Variants in SLIT1 observed in about 807,000 individuals in gnomAD.
The protein encoded by SLIT1 is slit homolog 1 protein.
SLIT1 carries 66 observed loss-of-function variants against 186.1 expected under a neutral mutation model. The observed-to-expected ratio is 0.35, with a 90% CI of 0.29 to 0.44. The LOEUF (loss-of-function observed/expected upper bound fraction) is 0.44, where lower values mean the gene tolerates loss of function less well. SLIT1 is among the 20% of genes least tolerant of loss of function. SLIT1 has a pLI of 1.00. For missense variants in SLIT1, 1,638 were observed against 2,037.4 expected (o/e 0.80, Z 3.77); for synonymous variants, 761 against 833.8 (o/e 0.91, Z 1.50).
At chr10:97,008,938 G>T (rs1724769388) in intron 31 of SLIT1, among the ~76,000 whole-genome samples, 1 of 151,748 alleles carries the variant, frequency 6.6e-6, no homozygotes. Flanking sequence ...GGAGTGCAGT[G>T]GCACGATCTC....
At chr10:97,164,296 G>A (rs562011086) in intron 2 of SLIT1, among the ~76,000 whole-genome samples, 66 of 151,998 alleles carry the variant, frequency 4.3e-4, no homozygotes, top group African/African-American at 1.4e-3. Context: ...GGGGGGAACC[G>A]CCACCAGATA....
chr10:97,066,229 G>A (rs1848944592), intron 4 of SLIT1, 143 bp from the exon 5 acceptor site: 1 of 672,710 alleles, frequency 1.5e-6, no homozygotes, highest in South Asian at 1.7e-5. Flanking sequence ...CTAGGACAGT[G>A]CCTGGCCCAC....
At chr10:97,017,814 T>C (rs944133301) in intron 28 of SLIT1, among the ~76,000 whole-genome samples, 4 of 151,636 alleles carry the variant, frequency 2.6e-5, no homozygotes, top group Non-Finnish European at 4.4e-5. Flanking sequence ...TCGAGGGAGA[T>C]TGGAGGCTTT....
chr10:97,159,982 G>A (rs879456571), intron 3 of SLIT1, among the ~76,000 whole-genome samples: 22 of 152,102 alleles, frequency 1.4e-4, no homozygotes, highest in Non-Finnish European at 2.1e-4. Context: ...TAAGTGACTC[G>A]CCCAAGCCAT....
intron 1 of SLIT1, among the ~76,000 whole-genome samples, chr10:97,180,502 T>C (rs770850243): frequency 6.6e-6 from 1 of 152,242 alleles, no homozygotes; most frequent in Non-Finnish European, 1.5e-5. Context: ...GGTTTCTGTT[T>C]CTGTCCAGCA....
chr10:97,041,280 A>T (rs1326415988), intron 20 of SLIT1, among the ~76,000 whole-genome samples: 1 of 152,186 alleles, frequency 6.6e-6, no homozygotes, highest in East Asian at 1.9e-4. Flanking sequence ...GGCTGCTTAC[A>T]TCAATTGTGG....
At chr10:97,146,484 C>T (rs1034844518) in intron 4 of SLIT1, among the ~76,000 whole-genome samples, 1 of 152,152 alleles carries the variant, frequency 6.6e-6, no homozygotes, top group African/African-American at 2.4e-5. Flanking sequence ...ACTCCCTCCT[C>T]AAGCTTTCCC....
At chr10:97,106,823 T>A (rs1849420014) in intron 4 of SLIT1, among the ~76,000 whole-genome samples, 1 of 152,110 alleles carries the variant, frequency 6.6e-6, no homozygotes, top group South Asian at 2.1e-4. Flanking sequence ...AACTGAACCC[T>A]AGAGTAAGCC....
intron 18 of SLIT1, among the ~76,000 whole-genome samples, chr10:97,044,831 A>G (rs1468784415): frequency 2.0e-5 from 3 of 152,220 alleles, no homozygotes; most frequent in Non-Finnish European, 1.5e-5. Flanking sequence ...CTTCACAATA[A>G]AGATATTGTC....
At chr10:97,067,724 G>A (rs970109565) in intron 4 of SLIT1, among the ~76,000 whole-genome samples, 1 of 152,118 alleles carries the variant, frequency 6.6e-6, no homozygotes, top group Non-Finnish European at 1.5e-5. Flanking sequence ...CCAGAGCCTT[G>A]CCCCAGACAC....
At chr10:97,014,235 A>C in intron 28 of SLIT1, 77 bp from the exon 29 acceptor site, 65 of 1,536,128 alleles carry the variant, frequency 4.2e-5, no homozygotes, top group Non-Finnish European at 5.3e-5. Context: ...GGTTAATATC[A>C]CCATTCCACG....
At chr10:97,112,540 C>T (rs948486319) in intron 4 of SLIT1, among the ~76,000 whole-genome samples, 1 of 152,162 alleles carries the variant, frequency 6.6e-6, no homozygotes, top group African/African-American at 2.4e-5. Flanking sequence ...CAGCACTATC[C>T]AATTTGATCT....
Position 97,137,045 on chromosome 10 carries a change from T to G in SLIT1, c.413+20773A>C, listed in dbSNP as rs200255541. 3.9e-5 allele frequency among the ~76,000 whole-genome samples: 6 copies of G among 152,332 alleles called. No individual in the cohort carries two copies. In the East Asian group the frequency reaches 9.6e-4, roughly 24 times the overall value. ...ACCTGGACTTCACACCAAGCAGGCCTGCAGTGAGGTCAAATAAAAGAAAAA... is the reference window on the plus strand; with the variant it reads ...ACCTGGACTTCACACCAAGCAGGCCGGCAGTGAGGTCAAATAAAAGAAAAA... On this transcript the variant is annotated intron_variant, in intron 4 of 36. Transcript: ENST00000266058.
At chr10:97,051,915 C>G (rs2134630081) in intron 13 of SLIT1, among the ~76,000 whole-genome samples, 1 of 152,010 alleles carries the variant, frequency 6.6e-6, no homozygotes, top group South Asian at 2.1e-4. Flanking sequence ...GAAACCACCC[C>G]AAATGTCCAT....
intron 4 of SLIT1, chr10:97,103,525 C>CA (rs1849381766): frequency 6.6e-6 from 1 of 152,168 alleles, no homozygotes; most frequent in Non-Finnish European, 1.5e-5. Flanking sequence ...GCTCTCTCCC[C>CA]AAACTGCCTA....
At chr10:97,073,573 C>G (rs1012933678) in intron 4 of SLIT1, among the ~76,000 whole-genome samples, 1 of 152,130 alleles carries the variant, frequency 6.6e-6, no homozygotes, top group Admixed American at 6.5e-5. Flanking sequence ...CCCAGGACAG[C>G]GCTGGGGAGA....
At chr10:97,013,522 T>G (rs1848428835) in intron 30 of SLIT1, among the ~76,000 whole-genome samples, 1 of 152,020 alleles carries the variant, frequency 6.6e-6, no homozygotes, top group African/African-American at 2.4e-5. Context: ...AGTGACACAT[T>G]CAGGGTCATG....
At chr10:97,092,537 C>T (rs1246885015) in intron 4 of SLIT1, among the ~76,000 whole-genome samples, 2 of 152,204 alleles carry the variant, frequency 1.3e-5, no homozygotes, top group African/African-American at 4.8e-5. Context: ...TACATGAATG[C>T]TATTTCTGGT....
rs1314007665 is a variant in SLIT1, at chr10:97,060,168, GAA to G, written c.942-12_942-11del. On this transcript the variant is annotated splice_polypyrimidine_tract_variant and intron_variant, in intron 9 of 36. Coordinates refer to ENST00000266058, the MANE Select transcript of SLIT1 (RefSeq NM_003061.3). Reference sequence around the variant, plus strand: ...GTTCAGCTCCAGGCGTCTGCGGGGAGAAAAGAGAGGGGAAGCCCAAGGGCCCA... The same window carrying G: ...GTTCAGCTCCAGGCGTCTGCGGGGAGAAGAGAGGGGAAGCCCAAGGGCCCA... The G allele has an allele frequency of 6.2e-7, 1 of 1,612,930 alleles. No homozygotes were observed. Among genetic ancestry groups the G allele is most frequent in the Non-Finnish European group, 8.5e-7 (1 of 1,179,082 alleles).
Sources: gnomAD v4.1 joint callset for allele counts (sites outside exome capture counted in the v4.1 genomes callset) on GRCh38, gnomAD v4.1.1 for gene constraint, MANE v1.5 for transcripts, NCBI Gene and HGNC (gene_info 2026-07-23, HGNC 2026-07-21) for gene names.